Variants in HYCC1 observed in about 807,000 individuals in gnomAD.
The protein encoded by HYCC1 is hyccin.
the HYCC1 span, chr7:22,960,497 C>T: frequency 6.3e-6 from 7 of 1,110,014 alleles, no homozygotes; most frequent in Non-Finnish European, 9.5e-6. Flanking sequence ...AAACATGATG[C>T]TAAACAGGCT....
the HYCC1 span, among the ~76,000 whole-genome samples, chr7:23,008,342 G>A: frequency 1.5e-3 from 227 of 151,992 alleles, 3 homozygotes; most frequent in African/African-American, 5.3e-3. Context: ...CTTGAAAAAT[G>A]GGCAGAACCC....
At chr7:23,011,763 TA>T in the HYCC1 span, among the ~76,000 whole-genome samples, 2 of 152,198 alleles carry the variant, frequency 1.3e-5, no homozygotes, top group Non-Finnish European at 2.9e-5. Flanking sequence ...ATGACTTATC[TA>T]AATTGCCACA....
At chr7:22,931,272 A>AAG in the HYCC1 span, among the ~76,000 whole-genome samples, 1 of 151,184 alleles carries the variant, frequency 6.6e-6, no homozygotes, top group African/African-American at 2.4e-5. Context: ...AAAAAAAAAA[A>AAG]ACCAGCCTGT....
At chr7:23,001,235 A>C in the HYCC1 span, among the ~76,000 whole-genome samples, 1 of 152,206 alleles carries the variant, frequency 6.6e-6, no homozygotes, top group Non-Finnish European at 1.5e-5. Context: ...TCTCATAGCC[A>C]TCCTAGCTGG....
chr7:22,950,725 T>C, the HYCC1 span, among the ~76,000 whole-genome samples: 5 of 152,062 alleles, frequency 3.3e-5, no homozygotes, highest in East Asian at 7.7e-4. Flanking sequence ...TTTTATTATG[T>C]TATCCAGAGG....
the HYCC1 span, chr7:22,946,003 T>C: frequency 6.2e-7 from 1 of 1,613,666 alleles, no homozygotes; most frequent in African/African-American, 1.3e-5. Flanking sequence ...TGCTTCCTCC[T>C]GACCGTCTGT....
the HYCC1 span, among the ~76,000 whole-genome samples, chr7:22,990,869 T>C: frequency 3.3e-5 from 5 of 152,198 alleles, no homozygotes; most frequent in African/African-American, 1.2e-4. Flanking sequence ...TTTGAACCAC[T>C]TGGGGGAAAA....
chr7:22,915,696 C>T, the HYCC1 span, among the ~76,000 whole-genome samples: 474 of 152,308 alleles, frequency 3.1e-3, 4 homozygotes, highest in African/African-American at 0.011. Context: ...AGGCTACCTA[C>T]TCTGCATTAC....
At chr7:22,933,318 C>A in the HYCC1 span, among the ~76,000 whole-genome samples, 22 of 152,044 alleles carry the variant, frequency 1.4e-4, no homozygotes, top group Non-Finnish European at 2.9e-5. Context: ...CCCTTCAATT[C>A]TGTTAATTTT....
the HYCC1 span, among the ~76,000 whole-genome samples, chr7:22,966,087 G>A: frequency 6.6e-6 from 1 of 151,588 alleles, no homozygotes; most frequent in South Asian, 2.1e-4. Flanking sequence ...AAATGACAGG[G>A]AAAAAAAACT....
chr7:22,905,791 A>C, the HYCC1 span, among the ~76,000 whole-genome samples: 2 of 152,220 alleles, frequency 1.3e-5, no homozygotes, highest in Admixed American at 1.3e-4. Flanking sequence ...GAAATATATT[A>C]AGTTACGGAG....
chr7:22,919,257 C>T, the HYCC1 span, among the ~76,000 whole-genome samples: 6 of 152,276 alleles, frequency 3.9e-5, no homozygotes, highest in South Asian at 2.1e-4. Context: ...GGCCAGGCGC[C>T]GTGGCTCACA....
At chr7:22,945,823 C>A in the HYCC1 span, 1 of 1,613,844 alleles carries the variant, frequency 6.2e-7, no homozygotes, top group Non-Finnish European at 8.5e-7. Flanking sequence ...TCGCTGCGGT[C>A]TTAGCCAAAC....
At chr7:22,914,845 A>G in the HYCC1 span, among the ~76,000 whole-genome samples, 1 of 151,914 alleles carries the variant, frequency 6.6e-6, no homozygotes, top group Non-Finnish European at 1.5e-5. Flanking sequence ...CCCCTACTCT[A>G]TAATCCTTCT....
the HYCC1 span, among the ~76,000 whole-genome samples, chr7:23,012,197 C>A: frequency 6.6e-6 from 1 of 152,114 alleles, no homozygotes; most frequent in South Asian, 2.1e-4. Flanking sequence ...CTTAAAATTT[C>A]TTAAGATCCA....
the HYCC1 span, among the ~76,000 whole-genome samples, chr7:22,997,986 AATTAGAAGGTAAGAAGTTCTTTCTTCTC>A: frequency 8.0e-3 from 1,222 of 152,276 alleles, 16 homozygotes; most frequent in African/African-American, 0.027. Flanking sequence ...AAGCTAGAAC[AATTAGAAGGTAAGAAGTTCTTTCTTCTC>A]ATTTCCCATT....
At chr7:22,978,358 G>C in the HYCC1 span, 1 of 1,614,060 alleles carries the variant, frequency 6.2e-7, no homozygotes, top group Non-Finnish European at 8.5e-7. Context: ...CACCAAATTA[G>C]TTCTGGGAGA....
the HYCC1 span, among the ~76,000 whole-genome samples, chr7:22,904,883 A>AG: frequency 4.6e-5 from 7 of 151,724 alleles, no homozygotes; most frequent in South Asian, 2.1e-4. Flanking sequence ...AAAAAAAAAA[A>AG]AAAGAAAGAA....
the HYCC1 span, chr7:22,978,321 T>C: frequency 2.8e-5 from 46 of 1,614,142 alleles, no homozygotes; most frequent in East Asian, 9.4e-4. Context: ...GCTATGCACA[T>C]TTCTGCTGGC....
Sources: allele counts gnomAD v4.1 joint callset (sites outside exome capture counted in the v4.1 genomes callset), GRCh38; gene constraint gnomAD v4.1.1; transcripts MANE v1.5; gene names NCBI Gene and HGNC (gene_info 2026-07-23, HGNC 2026-07-21).